Variants in TAF15 observed in about 807,000 individuals in gnomAD.
TAF15 encodes TATA-binding protein-associated factor 2N.
Under a neutral mutation model 102.5 loss-of-function variants are expected in TAF15, and 37 were observed. The ratio of observed to expected loss-of-function variants is 0.36; its 90% confidence interval spans 0.28 to 0.47. TAF15 has a LOEUF of 0.47. TAF15 is among the 20% of genes least tolerant of loss of function. TAF15 has a pLI of 0.99. For synonymous variants in TAF15, 273 were observed against 259.2 expected, an observed-to-expected ratio of 1.05 and a Z score of -0.51; for missense variants, 652 against 760.7, an observed-to-expected ratio of 0.86 and a Z score of 1.68.
At chr17:35,841,196 A>G (rs2087539073) in intron 11 of TAF15, among the ~76,000 whole-genome samples, 1 of 152,258 alleles carries the variant, frequency 6.6e-6, no homozygotes, top group South Asian at 2.1e-4. Context: ...AAAAATTTCA[A>G]ATGGTACCAA....
chr17:35,813,280 T>C (rs956400664), intron 1 of TAF15, among the ~76,000 whole-genome samples: 5 of 152,086 alleles, frequency 3.3e-5, no homozygotes, highest in African/African-American at 9.7e-5. Context: ...ATGTGACTTA[T>C]CTCACAGATG....
chr17:35,843,950 A>C, intron 12 of TAF15, 127 bp from the exon 13 acceptor site: 3 of 864,714 alleles, frequency 3.5e-6, no homozygotes, highest in Non-Finnish European at 6.0e-6. Flanking sequence ...AAGTCCTGGT[A>C]TAAGGGGTTA....
intron 12 of TAF15, among the ~76,000 whole-genome samples, chr17:35,843,333 A>G (rs2143829219): frequency 6.6e-6 from 1 of 152,234 alleles, no homozygotes; most frequent in Non-Finnish European, 1.5e-5. Context: ...CATGTTGGTC[A>G]GGCTGGTCTC....
intron 11 of TAF15, among the ~76,000 whole-genome samples, chr17:35,840,368 C>T (rs754024156): frequency 6.7e-6 from 1 of 149,982 alleles, no homozygotes; most frequent in African/African-American, 2.4e-5. Context: ...TCTCCTGCCT[C>T]AGCCTCCCGA....
rs1291002866 is a variant in TAF15, at chr17:35,838,528, T to C, written c.888T>C (p.Ala296=). The stretch of plus-strand genomic sequence containing the variant: ...TGTCATTTGATGACCCTCCTTCAGC[T>C]AAGGCAGCCATTGACTGGTTTGATG... ...ATVSFDDPPS[A]KAAIDWFDGK... Residue 296 remains alanine (A), a synonymous_variant, in exon 11 of 16, where the codon GCT becomes GCC. Coordinates refer to ENST00000605844, the MANE Select transcript of TAF15 (RefSeq NM_139215.3). The C allele has an allele frequency of 6.2e-7, 1 of 1,614,210 alleles. No homozygotes were observed. Among genetic ancestry groups the C allele is most frequent in the Non-Finnish European group, 8.5e-7 (1 of 1,180,038 alleles).
chr17:35,842,225 A>T (rs974750950), intron 11 of TAF15, 142 bp from the exon 12 acceptor site: 1 of 690,734 alleles, frequency 1.4e-6, no homozygotes, highest in Non-Finnish European at 2.6e-6. Flanking sequence ...TAGCACTGTT[A>T]TCTTGACTCT....
intron 11 of TAF15, among the ~76,000 whole-genome samples, chr17:35,839,046 A>T (rs148729963): frequency 6.6e-6 from 1 of 152,058 alleles, no homozygotes; most frequent in Non-Finnish European, 1.5e-5. Context: ...CAGGAGGATC[A>T]GTTCAGCTCA....
chr17:35,828,405 T>C (rs988685964), intron 7 of TAF15, among the ~76,000 whole-genome samples: 4 of 152,334 alleles, frequency 2.6e-5, no homozygotes, highest in Middle Eastern at 3.4e-3. Context: ...TTTAACTCAA[T>C]ATATTCAAAA....
intron 7 of TAF15, among the ~76,000 whole-genome samples, chr17:35,827,147 T>C (rs2087339991): frequency 1.3e-5 from 2 of 151,722 alleles, no homozygotes; most frequent in South Asian, 4.2e-4. Context: ...ATCCCAGCGC[T>C]TTGGGAGGCC....
At chr17:35,814,987 A>G (rs984274732) in intron 1 of TAF15, among the ~76,000 whole-genome samples, 2 of 152,196 alleles carry the variant, frequency 1.3e-5, no homozygotes, top group African/African-American at 4.8e-5. Flanking sequence ...AGATCAGGCA[A>G]ACAGTAAGAA....
chr17:35,813,117 CAAAAAAAAAA>C (rs55754009), intron 1 of TAF15, among the ~76,000 whole-genome samples: 5 of 58,940 alleles, frequency 8.5e-5, no homozygotes, highest in Admixed American at 1.9e-4. Context: ...GACTCTGTCT[CAAAAAAAAAA>C]AAAAAAAAAA....
chr17:35,830,605 T>C (rs945105887), intron 7 of TAF15, among the ~76,000 whole-genome samples: 2 of 152,220 alleles, frequency 1.3e-5, no homozygotes, highest in African/African-American at 4.8e-5. Context: ...TGAAGGTTAT[T>C]TTCTGTATTT....
At chr17:35,820,534 T>G (rs1319778476) in intron 5 of TAF15, 97 bp downstream of exon 5, 2 of 1,193,578 alleles carry the variant, frequency 1.7e-6, no homozygotes, top group Non-Finnish European at 2.4e-6. Flanking sequence ...TTAAACTTTT[T>G]TTTTTTTTAA....
chr17:35,812,583 C>CAAAAAAAAAAAAAAAAAAAAAAAAAAA (rs34497840), intron 1 of TAF15, among the ~76,000 whole-genome samples: 1 of 66,280 alleles, frequency 1.5e-5, no homozygotes. Flanking sequence ...AACTCTATCT[C>CAAAAAAAAAAAAAAAAAAAAAAAAAAA]AAAAAAAAAA....
intron 1 of TAF15, chr17:35,809,809 G>C (rs2087103628): frequency 1.6e-6 from 1 of 616,804 alleles, no homozygotes; most frequent in African/African-American, 1.8e-5. Context: ...TTTTGACCCT[G>C]TCCTTGGAAC....
intron 1 of TAF15, among the ~76,000 whole-genome samples, chr17:35,813,994 T>G (rs1598516340): frequency 7.3e-6 from 1 of 136,952 alleles, no homozygotes; most frequent in African/African-American, 3.1e-5. Context: ...CTGTTTTTTT[T>G]GTTGTTGTTG....
At chr17:35,842,236 T>C in intron 11 of TAF15, 131 bp from the exon 12 acceptor site, 2 of 717,864 alleles carry the variant, frequency 2.8e-6, no homozygotes, top group East Asian at 2.7e-5. Flanking sequence ...TCTTGACTCT[T>C]TGCATTTGAA....
chr17:35,809,671 CT>C, intron 1 of TAF15, 95 bp downstream of exon 1: 2 of 1,573,284 alleles, frequency 1.3e-6, no homozygotes, highest in Non-Finnish European at 1.7e-6. Context: ...GAGGAGAAGC[CT>C]CCGGCCCTGA....
Position 35,824,208 on chromosome 17 carries a change from TAGATAA to T in TAF15, c.605+15_605+20del, listed in dbSNP as rs777761374. On this transcript the variant is annotated intron_variant, in intron 7 of 15. Transcript: ENST00000605844. Reference sequence around the variant, plus strand: ...CTATGACAGGATCAAGGTAAGTATGTAGATAAAGATGCGTACATTTCTTCTTCTTCC... The same window carrying T: ...CTATGACAGGATCAAGGTAAGTATGTAGATGCGTACATTTCTTCTTCTTCC... 59 of 1,612,518 alleles carry T rather than the reference TAGATAA, an allele frequency of 3.7e-5. No homozygotes were observed. The highest frequency in any genetic ancestry group is 3.9e-5 in the Non-Finnish European group (46 of 1,179,830).
Sources: gnomAD v4.1 joint callset for allele counts (sites outside exome capture counted in the v4.1 genomes callset) on GRCh38, gnomAD v4.1.1 for gene constraint, MANE v1.5 for transcripts, NCBI Gene and HGNC (gene_info 2026-07-23, HGNC 2026-07-21) for gene names.